The following MEGF11 variants were observed in gnomAD, a reference collection of about 807,000 sequenced individuals.
MEGF11 encodes multiple epidermal growth factor-like domains protein 11.
In MEGF11, 126 loss-of-function variants were observed where a neutral mutation model predicts 146.6. The ratio of observed to expected loss-of-function variants is 0.86; its 90% CI spans 0.74 to 1.00. The LOEUF (loss-of-function observed/expected upper bound fraction) is 1.00, where lower values mean the gene tolerates loss of function less well. Ranked by LOEUF, MEGF11 falls within the 50% of genes least tolerant of loss-of-function variation. The pLI is 0.00. For synonymous variants in MEGF11, 532 were observed against 583.4 expected (o/e 0.91, Z 1.27); for missense variants, 1,509 against 1,521.2 (o/e 0.99, Z 0.13).
intron 5 of MEGF11, among the ~76,000 whole-genome samples, chr15:66,013,114 G>C: frequency 6.6e-6 from 1 of 152,230 alleles, no homozygotes; most frequent in Admixed American, 6.5e-5. Flanking sequence ...TTGCCCAGGT[G>C]GGGCTGGAAC....
chr15:66,241,197 T>C (rs918540289), intron 1 of MEGF11, among the ~76,000 whole-genome samples: 3 of 152,154 alleles, frequency 2.0e-5, no homozygotes, highest in African/African-American at 7.2e-5. Flanking sequence ...CTCTACCCAC[T>C]GAACCAGGCC....
intron 5 of MEGF11, among the ~76,000 whole-genome samples, chr15:66,013,470 C>A (rs2082776626): frequency 6.6e-6 from 1 of 152,140 alleles, no homozygotes; most frequent in South Asian, 2.1e-4. Context: ...AAGGAGCCCC[C>A]ATTTCCTGAG....
intron 1 of MEGF11, among the ~76,000 whole-genome samples, chr15:66,190,407 A>C (rs1368428638): frequency 6.6e-6 from 1 of 152,144 alleles, no homozygotes; most frequent in African/African-American, 2.4e-5. Flanking sequence ...AGCCAGGTCC[A>C]AGGAAAGATG....
intron 1 of MEGF11, among the ~76,000 whole-genome samples, chr15:66,237,807 G>A (rs747603949): frequency 6.6e-6 from 1 of 152,176 alleles, no homozygotes; most frequent in Non-Finnish European, 1.5e-5. Context: ...AATGATAAGT[G>A]AACCAATAAA....
At chr15:66,030,785 T>C (rs1238424549) in intron 5 of MEGF11, among the ~76,000 whole-genome samples, 2 of 152,176 alleles carry the variant, frequency 1.3e-5, no homozygotes, top group Non-Finnish European at 2.9e-5. Flanking sequence ...GCTCAATTCC[T>C]ACCACAGAGG....
intron 10 of MEGF11, among the ~76,000 whole-genome samples, chr15:65,934,048 G>T (rs771243148): frequency 6.6e-6 from 1 of 152,138 alleles, no homozygotes; most frequent in African/African-American, 2.4e-5. Context: ...CCCCCTCACA[G>T]CTGACACAGG....
At chr15:66,114,238 C>G (rs1453106691) in intron 4 of MEGF11, among the ~76,000 whole-genome samples, 1 of 152,198 alleles carries the variant, frequency 6.6e-6, no homozygotes, top group Non-Finnish European at 1.5e-5. Context: ...GTTTCTGATC[C>G]TCTCTGCCTT....
chr15:66,202,614 C>T (rs1314536591), intron 1 of MEGF11, among the ~76,000 whole-genome samples: 1 of 152,256 alleles, frequency 6.6e-6, no homozygotes, highest in Non-Finnish European at 1.5e-5. Flanking sequence ...CTCAGTATCT[C>T]TGAGCAACAG....
At chr15:66,192,406 G>T (rs947294201) in intron 1 of MEGF11, among the ~76,000 whole-genome samples, 6 of 150,790 alleles carry the variant, frequency 4.0e-5, no homozygotes, top group African/African-American at 1.2e-4. Flanking sequence ...GGAGATGGAG[G>T]TTGCAGTGAG....
intron 1 of MEGF11, among the ~76,000 whole-genome samples, chr15:66,230,961 G>T (rs2140199289): frequency 6.6e-6 from 1 of 152,148 alleles, no homozygotes; most frequent in East Asian, 1.9e-4. Flanking sequence ...GGCCAAGTGG[G>T]CTCCTTCCTA....
At chr15:65,917,006 G>T (rs753710593) in intron 16 of MEGF11, 50 bp from the exon 17 acceptor site, 4 of 1,438,110 alleles carry the variant, frequency 2.8e-6, no homozygotes, top group Non-Finnish European at 3.7e-6. Context: ...GAGAGGGGCA[G>T]ACGGAGAGGG....
chr15:66,039,034 C>T lies in MEGF11; in HGVS notation c.394+55368G>A, dbSNP rs576825453. The stretch of plus-strand genomic sequence containing the variant: ...CACCAGCAGGACTGTCTCCTGTGAA[C>T]TTGCTGGAAATGCAGTCTCGGGCTC... On this transcript the variant is annotated intron_variant, in intron 5 of 25. Coordinates refer to ENST00000395614, the MANE Select transcript of MEGF11 (RefSeq NM_001385028.1). Among the ~76,000 whole-genome samples, 5 of 152,324 alleles carry T rather than the reference C, an allele frequency of 3.3e-5. No individual in the cohort carries two copies. In the South Asian group the frequency reaches 8.3e-4, roughly 25 times the overall value.
chr15:66,191,122 G>A (rs1567278281), intron 1 of MEGF11, among the ~76,000 whole-genome samples: 1 of 152,138 alleles, frequency 6.6e-6, no homozygotes, highest in African/African-American at 2.4e-5. Context: ...TGCCTCTGAA[G>A]AAGGAACACA....
At chr15:65,963,118 C>G (rs527490249) in intron 9 of MEGF11, among the ~76,000 whole-genome samples, 7 of 152,322 alleles carry the variant, frequency 4.6e-5, no homozygotes, top group Admixed American at 4.6e-4. Flanking sequence ...CTGCATTGGA[C>G]CCCGGCATCA....
chr15:65,898,770 C>T lies in MEGF11; in HGVS notation c.3220G>A (p.Val1074Met), dbSNP rs1272435498. 2 of 1,613,938 alleles carry T rather than the reference C, an allele frequency of 1.2e-6. No individual in the cohort carries two copies. The highest frequency in any genetic ancestry group is 3.3e-5 in the Admixed American group (2 of 60,028). ...PVHMGSPYTDVPSLSTSNKNI... is the reference protein window; with the variant it reads ...PVHMGSPYTDMPSLSTSNKNI... Reference sequence around the variant, plus strand: ...TTATTAGATGTCGACAAGGATGGCACATCTGTGTACGGAGACCCCATGTGC... The same window carrying T: ...TTATTAGATGTCGACAAGGATGGCATATCTGTGTACGGAGACCCCATGTGC... Residue 1074 changes from valine to methionine, a missense_variant, in exon 25 of 26, where the codon GTG becomes ATG. Physicochemically the swap from Val to Met is conservative, Grantham distance 21. Transcript: ENST00000395614.
chr15:65,926,847 A>G (rs2079388870), intron 13 of MEGF11, among the ~76,000 whole-genome samples: 1 of 152,196 alleles, frequency 6.6e-6, no homozygotes, highest in Admixed American at 6.5e-5. Flanking sequence ...GTTGATTTCC[A>G]CTTGGCTCCT....
intron 1 of MEGF11, among the ~76,000 whole-genome samples, chr15:66,202,608 G>T (rs1210298255): frequency 6.6e-6 from 1 of 152,222 alleles, no homozygotes; most frequent in Non-Finnish European, 1.5e-5. Context: ...CTTTCCCTCA[G>T]TATCTCTGAG....
chr15:66,142,918 T>G (rs2089223194), intron 1 of MEGF11, among the ~76,000 whole-genome samples: 1 of 152,206 alleles, frequency 6.6e-6, no homozygotes, highest in Non-Finnish European at 1.5e-5. Context: ...CAGAAGAACC[T>G]TAACAGCTTC....
rs537489461 is a variant in MEGF11 at position 65,980,650 on chromosome 15, C to T, written c.762+128G>A. Reference sequence around the variant, plus strand: ...CTGACCTCAAGTGATCTGCGGGCCTCGGCCTCCCAAAGTGCTGGGATTACA... The same window carrying T: ...CTGACCTCAAGTGATCTGCGGGCCTTGGCCTCCCAAAGTGCTGGGATTACA... On this transcript the variant is annotated intron_variant, in intron 7 of 25. Coordinates refer to ENST00000395614, the MANE Select transcript of MEGF11 (RefSeq NM_001385028.1). 49 of 1,307,548 alleles carry T rather than the reference C, an allele frequency of 3.7e-5. No homozygotes were observed. The East Asian group carries it at 9.8e-4, about 26-fold the overall frequency. The allele number at this position is 1,307,548 out of a possible 1,614,324, so 81.0% of individuals were successfully genotyped here.
Sources: gnomAD v4.1 joint callset for allele counts (sites outside exome capture counted in the v4.1 genomes callset) on GRCh38, gnomAD v4.1.1 for gene constraint, MANE v1.5 for transcripts, NCBI Gene and HGNC (gene_info 2026-07-23, HGNC 2026-07-21) for gene names.